Variants in RPS3 observed in about 807,000 individuals in gnomAD.
The protein encoded by RPS3 is ribosomal protein S3.
In RPS3, 2 loss-of-function variants were observed where a neutral mutation model predicts 25.8. That is an observed-to-expected ratio of 0.08 (90% CI 0.03 to 0.24). The LOEUF (loss-of-function observed/expected upper bound fraction) is 0.24. Among genes scored for constraint, RPS3 ranks in the 10% least tolerant of loss-of-function variants. RPS3 has a pLI of 1.00. For missense variants in RPS3, 107 were observed against 307.1 expected, an observed-to-expected ratio of 0.35 and a Z score of 4.87; for synonymous variants, 114 against 114.2, an observed-to-expected ratio of 1.00 and a Z score of 0.01.
chr11:75,411,475 C>T (rs1284615968), downstream of RPS3, among the ~76,000 whole-genome samples: 1 of 152,146 alleles, frequency 6.6e-6, no homozygotes, highest in Non-Finnish European at 1.5e-5. Flanking sequence ...CTGCAAGCTC[C>T]ACCTCCTGGC....
intron 4 of RPS3, 102 bp from the exon 5 acceptor site, chr11:75,403,918 T>C (rs1948246343): frequency 9.1e-7 from 1 of 1,104,160 alleles, no homozygotes; most frequent in Non-Finnish European, 1.3e-6. Context: ...GTCAAATTAT[T>C]CTCCATTAAA....
intron 4 of RPS3, chr11:75,403,745 C>G (rs1356428601): frequency 3.0e-6 from 1 of 328,608 alleles, no homozygotes; most frequent in African/African-American, 2.1e-5. Flanking sequence ...GCCTAGATGT[C>G]AGGGTTTCTT....
At chr11:75,416,647 G>A (rs1274054908) in intron 6 of RPS3, among the ~76,000 whole-genome samples, 2 of 151,890 alleles carry the variant, frequency 1.3e-5, no homozygotes, top group African/African-American at 4.8e-5. Flanking sequence ...TAGTAGAGAC[G>A]GGGTTTCACC....
At chr11:75,419,947 G>T (rs541615076) in intron 6 of RPS3, among the ~76,000 whole-genome samples, 2 of 152,332 alleles carry the variant, frequency 1.3e-5, no homozygotes, top group South Asian at 4.1e-4. Context: ...TTCTTTGGAA[G>T]ACCATTAAGA....
At chr11:75,410,437 G>A (rs1187069386), downstream of RPS3, among the ~76,000 whole-genome samples, 1 of 151,134 alleles carries the variant, frequency 6.6e-6, no homozygotes, top group Non-Finnish European at 1.5e-5. Context: ...GGATGGCGGC[G>A]GGGAAGAGGC....
At chr11:75,420,187 AAGTGCAGTGGATT>A (rs1948431579) in intron 6 of RPS3, among the ~76,000 whole-genome samples, 1 of 152,154 alleles carries the variant, frequency 6.6e-6, no homozygotes, top group South Asian at 2.1e-4. Flanking sequence ...TGAGTGTCCA[AAGTGCAGTGGATT>A]AGGAGCCAGG....
At chr11:75,407,594 G>A (rs999180718), downstream of RPS3, among the ~76,000 whole-genome samples, 1 of 151,864 alleles carries the variant, frequency 6.6e-6, no homozygotes, top group Non-Finnish European at 1.5e-5. Context: ...TCAGCCTCCC[G>A]AGTAGCTGGG....
downstream of RPS3, among the ~76,000 whole-genome samples, chr11:75,410,084 C>G (rs1296017185): frequency 2.8e-5 from 4 of 144,380 alleles, no homozygotes; most frequent in African/African-American, 1.1e-4. Context: ...CCCCCCTCCC[C>G]CCTCCCGGAC....
At chr11:75,421,103 G>A (rs551746522) in intron 6 of RPS3, among the ~76,000 whole-genome samples, 3 of 152,208 alleles carry the variant, frequency 2.0e-5, no homozygotes, top group African/African-American at 4.8e-5. Flanking sequence ...GCGCAGGCAG[G>A]CTAACTGTCC....
intron 6 of RPS3, among the ~76,000 whole-genome samples, chr11:75,413,253 T>A (rs562545308): frequency 2.9e-4 from 44 of 151,514 alleles, no homozygotes; most frequent in Admixed American, 1.2e-3. Context: ...ATATATATTT[T>A]TTTTTTTGAG....
At chr11:75,420,492 C>T (rs537561650) in intron 6 of RPS3, among the ~76,000 whole-genome samples, 4 of 152,244 alleles carry the variant, frequency 2.6e-5, no homozygotes, top group South Asian at 2.1e-4. Flanking sequence ...GAGCTGGCTT[C>T]GGAGATAGCT....
chr11:75,413,540 G>A (rs1294351892), intron 6 of RPS3, among the ~76,000 whole-genome samples: 1 of 152,192 alleles, frequency 6.6e-6, no homozygotes, highest in Non-Finnish European at 1.5e-5. Context: ...ACAGGCATGA[G>A]CCACCGCGCC....
At chr11:75,402,608 C>A (rs1948227824) in intron 4 of RPS3, 162 bp downstream of exon 4, 1 of 641,946 alleles carries the variant, frequency 1.6e-6, no homozygotes, top group Non-Finnish European at 2.5e-6. Context: ...AACTGGCAGG[C>A]TAACAAGACT....
chr11:75,400,596 T>C lies in RPS3; in HGVS notation c.31-98T>C, dbSNP rs867918796. The C allele has an allele frequency of 1.0e-4, 161 of 1,543,032 alleles. 1 individual carries two copies. In the South Asian group the frequency reaches 1.7e-3, roughly 16 times the overall value. On this transcript the variant is annotated intron_variant, in intron 1 of 6. Coordinates refer to ENST00000531188, the MANE Select transcript of RPS3 (RefSeq NM_001005.5). ...AACCATTGGTTGGAGGTATTTAGTT[T>C]TGGTGAGGGATGCATTGACTAATAA...
At chr11:75,418,502 AT>A (rs923161355) in intron 6 of RPS3, among the ~76,000 whole-genome samples, 1 of 152,218 alleles carries the variant, frequency 6.6e-6, no homozygotes, top group Non-Finnish European at 1.5e-5. Context: ...AGGTAAAAAA[AT>A]TTTTTAAAAA....
intron 6 of RPS3, among the ~76,000 whole-genome samples, chr11:75,413,072 C>G (rs964881571): frequency 1.3e-5 from 2 of 152,116 alleles, no homozygotes; most frequent in African/African-American, 4.8e-5. Flanking sequence ...CATGCCTGTC[C>G]TGTTTTTATT....
At position 75,404,895 on chromosome 11, in the gene RPS3, T is replaced by TG. The variant is rs760739715; in HGVS notation, c.*3+31dup. The TG allele has an allele frequency of 1.2e-5, 18 of 1,490,582 alleles. No individual in the cohort carries two copies. Among genetic ancestry groups the TG allele is most frequent in the Non-Finnish European group, 1.5e-5 (16 of 1,096,234 alleles). The allele number at this position is 1,490,582 out of a possible 1,614,324, so 92.3% of individuals were successfully genotyped here. Reference sequence around the variant, plus strand: ...TATGTCTGCAAGGGCAGGGGCCTCTTGGGGCATAATAGGGTCCTTCCGAGT... The same window carrying TG: ...TATGTCTGCAAGGGCAGGGGCCTCTTGGGGGCATAATAGGGTCCTTCCGAGT... On this transcript the variant is annotated intron_variant, in intron 6 of 6. Transcript: ENST00000531188. This position sits in a 1 kb window ranked among gnomAD's most constrained non-coding sequence, Gnocchi z 4.6.
At chr11:75,408,009 T>G (rs1287097321), downstream of RPS3, among the ~76,000 whole-genome samples, 3 of 152,228 alleles carry the variant, frequency 2.0e-5, no homozygotes, top group Non-Finnish European at 4.4e-5. Flanking sequence ...GTATGCAGAT[T>G]ATTAGCGTAA....
intron 6 of RPS3, among the ~76,000 whole-genome samples, chr11:75,418,338 T>C (rs752724977): frequency 2.4e-4 from 36 of 152,258 alleles, no homozygotes; most frequent in Non-Finnish European, 4.8e-4. Context: ...TTGACAGTTT[T>C]TGAACTGCCT....
Sources: allele counts gnomAD v4.1 joint callset (sites outside exome capture counted in the v4.1 genomes callset), GRCh38; gene constraint gnomAD v4.1.1; non-coding constraint Gnocchi (gnomAD v3.1); transcripts MANE v1.5; gene names NCBI Gene and HGNC (gene_info 2026-07-23, HGNC 2026-07-21).